Variants in MITF observed in about 807,000 individuals in gnomAD.
MITF encodes the protein melanocyte inducing transcription factor, also known as microphthalmia-associated transcription factor.
A neutral mutation model predicts 60.5 loss-of-function variants in MITF; 17 were observed. The observed-to-expected ratio is 0.28, with a 90% confidence interval of 0.19 to 0.42. The LOEUF (loss-of-function observed/expected upper bound fraction) is 0.42, where lower values mean the gene tolerates loss of function less well. Among genes scored for constraint, MITF ranks in the 10% least tolerant of loss-of-function variants. MITF has a pLI of 1.00. For missense variants in MITF, 622 were observed against 683.5 expected (o/e 0.91, Z 1.00); for synonymous variants, 260 against 248.5 (o/e 1.05, Z -0.43).
chr3:69,861,709 G>A (rs953025282), intron 1 of MITF, among the ~76,000 whole-genome samples: 2 of 152,120 alleles, frequency 1.3e-5, no homozygotes, highest in South Asian at 4.1e-4. Flanking sequence ...TCCCCATGGC[G>A]CTGAGAACAG....
intron 2 of MITF, among the ~76,000 whole-genome samples, chr3:69,910,153 A>G (rs4057975): frequency 0.039 from 5,967 of 152,334 alleles, 231 homozygotes; most frequent in Admixed American, 0.13. Context: ...AAAGGGGCCA[A>G]CATAGAGCTT....
At position 69,893,055 on chromosome 3, in the gene MITF, C is replaced by T. The variant is rs75150125; in HGVS notation, c.354+13672C>T. ...TTAACATGCACGTCCAGCACGATGA[C>T]CAAGTACAGCCTTAGGTGAGATCTG... On this transcript the variant is annotated intron_variant, in intron 2 of 9. Coordinates refer to ENST00000352241, the MANE Select transcript of MITF (RefSeq NM_001354604.2). Among the ~76,000 whole-genome samples, 733 of 152,270 alleles carry T rather than the reference C, an allele frequency of 4.8e-3. 8 individuals carry two copies. The highest frequency in any genetic ancestry group is 0.014 in the Middle Eastern group (4 of 294).
At chr3:69,763,368 A>G (rs552469536) in intron 1 of MITF, among the ~76,000 whole-genome samples, 2 of 152,322 alleles carry the variant, frequency 1.3e-5, no homozygotes, top group East Asian at 1.9e-4. Flanking sequence ...GAATCTATAG[A>G]TAAAGAGGTA....
intron 6 of MITF, 124 bp from the exon 7 acceptor site, chr3:69,951,688 G>A (rs1359906769): frequency 3.1e-5 from 22 of 709,488 alleles, no homozygotes; most frequent in Middle Eastern, 2.4e-4. Flanking sequence ...TTAAAAAAAC[G>A]TATTTTTACT....
At chr3:69,795,791 C>T (rs2062817679) in intron 1 of MITF, among the ~76,000 whole-genome samples, 1 of 152,020 alleles carries the variant, frequency 6.6e-6, no homozygotes, top group Non-Finnish European at 1.5e-5. Flanking sequence ...ATTTCTCATA[C>T]AAAGCTAATA....
At position 69,746,595 on chromosome 3, in the gene MITF, T is replaced by C. The variant is rs1284970774; in HGVS notation, c.104+6894T>C. On this transcript the variant is annotated intron_variant, in intron 1 of 9. Coordinates refer to ENST00000352241, the MANE Select transcript of MITF (RefSeq NM_001354604.2). ...CTAATCGGAATAAATTATAAAAATA[T>C]GTTTGACTACACTCCAAGTATGCAT... is the stretch of plus-strand genomic sequence containing the variant. Among the ~76,000 whole-genome samples the C allele has an allele frequency of 2.6e-5, 4 of 152,262 alleles. No homozygotes were observed. In the East Asian group the frequency reaches 7.7e-4, roughly 29 times the overall value.
chr3:69,764,008 T>C, intron 1 of MITF: 1 of 1,196,440 alleles, frequency 8.4e-7, no homozygotes, highest in East Asian at 4.5e-5. Flanking sequence ...TTTTAAGGGA[T>C]GTCAATCTTT....
chr3:69,796,850 C>A (rs1455599037), intron 1 of MITF, among the ~76,000 whole-genome samples: 1 of 152,124 alleles, frequency 6.6e-6, no homozygotes, highest in Non-Finnish European at 1.5e-5. Context: ...ATTGCCTTGA[C>A]AACAAACTAA....
rs191483142 is a variant in MITF at position 69,739,653 on chromosome 3, A to C, written c.56A>C (p.Glu19Ala). Residue 19 changes from glutamate to alanine, a missense_variant, in exon 1 of 10, where the codon GAA (glutamate) becomes GCA (alanine). Glu to Ala is a moderately radical substitution (Grantham distance 107). Around this residue, in one of 5 missense-constraint regions of MITF, gnomAD observed 149 missense variants for 157.8 expected, o/e 0.94. Coordinates refer to ENST00000352241, the MANE Select transcript of MITF (RefSeq NM_001354604.2). ...TTCGAAGTCGGGGAGGAGTTTCATG[A>C]AGAGCCCAAAACCTATTACGAACTC... ...PDFEVGEEFH[E>A]EPKTYYELKS... The C allele has an allele frequency of 1.8e-5, 29 of 1,584,506 alleles. No homozygotes were observed. The highest frequency in any genetic ancestry group is 2.4e-5 in the Non-Finnish European group (28 of 1,163,752).
intron 2 of MITF, among the ~76,000 whole-genome samples, chr3:69,908,663 T>C (rs1385516591): frequency 6.6e-6 from 1 of 152,226 alleles, no homozygotes; most frequent in Admixed American, 6.5e-5. Context: ...CTGGTAATAA[T>C]GAAATTAGGT....
At chr3:69,886,131 A>G (rs2064611373) in intron 2 of MITF, among the ~76,000 whole-genome samples, 1 of 152,102 alleles carries the variant, frequency 6.6e-6, no homozygotes, top group African/African-American at 2.4e-5. Flanking sequence ...GACCTGAGAA[A>G]CATTAGGAGG....
intron 1 of MITF, among the ~76,000 whole-genome samples, chr3:69,831,192 C>T (rs2063441422): frequency 6.6e-6 from 1 of 152,178 alleles, no homozygotes; most frequent in Non-Finnish European, 1.5e-5. Flanking sequence ...AGTGTAATGT[C>T]TGGCACATGA....
At chr3:69,867,735 C>G (rs549395423) in intron 1 of MITF, among the ~76,000 whole-genome samples, 118 of 152,224 alleles carry the variant, frequency 7.8e-4, no homozygotes, top group Non-Finnish European at 1.2e-3. Context: ...ATGGCATGAA[C>G]AAATGAAACT....
At chr3:69,868,855 C>T (rs1043263423) in intron 1 of MITF, among the ~76,000 whole-genome samples, 4 of 149,028 alleles carry the variant, frequency 2.7e-5, no homozygotes, top group African/African-American at 1.0e-4. Context: ...GCCAAGATCG[C>T]ACCACTGCAC....
intron 1 of MITF, among the ~76,000 whole-genome samples, chr3:69,810,827 G>A (rs1048155172): frequency 5.3e-5 from 8 of 152,096 alleles, no homozygotes; most frequent in Non-Finnish European, 2.9e-5. Context: ...TCAAATCTTT[G>A]GCCTTCATGG....
At chr3:69,875,424 C>CT (rs112437948) in intron 1 of MITF, among the ~76,000 whole-genome samples, 70 of 152,270 alleles carry the variant, frequency 4.6e-4, no homozygotes, top group African/African-American at 1.5e-3. Context: ...GCTTTAAACT[C>CT]TATGAGATTA....
At chr3:69,774,876 C>T (rs569753997) in intron 1 of MITF, among the ~76,000 whole-genome samples, 17 of 152,268 alleles carry the variant, frequency 1.1e-4, no homozygotes, top group African/African-American at 3.9e-4. Context: ...ACTGTTAGAG[C>T]TGGAGGGGAA....
chr3:69,946,609 A>G (rs973185967), intron 5 of MITF, among the ~76,000 whole-genome samples: 1 of 152,168 alleles, frequency 6.6e-6, no homozygotes, highest in African/African-American at 2.4e-5. Flanking sequence ...AAAAAATGAG[A>G]TGACCCCCAG....
chr3:69,884,600 A>G (rs1227503998), intron 2 of MITF, among the ~76,000 whole-genome samples: 1 of 152,030 alleles, frequency 6.6e-6, no homozygotes, highest in Non-Finnish European at 1.5e-5. Context: ...TGCTTTATGA[A>G]CACTTGGGGG....
Sources: gnomAD v4.1 joint callset for allele counts (sites outside exome capture counted in the v4.1 genomes callset) on GRCh38, gnomAD v4.1.1 for gene constraint, gnomAD v4.1.1 regional missense constraint, MANE v1.5 for transcripts, NCBI Gene and HGNC (gene_info 2026-07-23, HGNC 2026-07-21) for gene names.